PELI2: variants seen among roughly 807,000 people sequenced by gnomAD.
PELI2 encodes pellino E3 ubiquitin protein ligase family member 2, also known as E3 ubiquitin-protein ligase pellino homolog 2.
Under a neutral mutation model 42.3 loss-of-function variants are expected in PELI2, and 23 were observed. That is an observed-to-expected ratio of 0.54 (90% CI 0.39 to 0.77). The LOEUF (loss-of-function observed/expected upper bound fraction) is 0.77. Ranked by LOEUF, PELI2 falls within the 30% of genes least tolerant of loss-of-function variation. PELI2 has a pLI of 0.00. For synonymous variants in PELI2, 245 were observed against 212.2 expected (o/e 1.15, Z -1.34); for missense variants, 463 against 553.2 (o/e 0.84, Z 1.64).
At chr14:56,251,615 CCT>C (rs1020587247) in intron 2 of PELI2, among the ~76,000 whole-genome samples, 1 of 152,130 alleles carries the variant, frequency 6.6e-6, no homozygotes, top group Non-Finnish European at 1.5e-5. Context: ...ATTGTGAGCC[CCT>C]GTTTGATTCC....
chr14:56,132,520 A>T (rs867390871), intron 1 of PELI2, among the ~76,000 whole-genome samples: 23 of 151,958 alleles, frequency 1.5e-4, no homozygotes, highest in African/African-American at 4.4e-4. Context: ...TGCTGGAGTC[A>T]CCCCCGCCCT....
At chr14:56,155,826 GC>G (rs1188826568) in intron 1 of PELI2, among the ~76,000 whole-genome samples, 2 of 151,770 alleles carry the variant, frequency 1.3e-5, no homozygotes, top group Admixed American at 1.3e-4. Flanking sequence ...CTCGTGATCC[GC>G]CCCCCCTCAG....
Position 56,279,668 on chromosome 14 carries a change from A to T in PELI2, c.208-8A>T. 1 of 1,495,294 alleles carries T rather than the reference A, an allele frequency of 6.7e-7. No homozygotes were observed. The highest frequency in any genetic ancestry group is 9.2e-7 in the Non-Finnish European group (1 of 1,085,234). The allele number at this position is 1,495,294 out of a possible 1,614,324, so 92.6% of individuals were successfully genotyped here. A position where few individuals can be genotyped will look rare whatever the true frequency, so the allele number is the denominator to read the frequency against. ...TTGTAATGGATTTTTTTAAAATTTTATTATTAGGCTATCAGCTGCAAAGGT... is the reference window on the plus strand; with the variant it reads ...TTGTAATGGATTTTTTTAAAATTTTTTTATTAGGCTATCAGCTGCAAAGGT... On this transcript the variant is annotated splice_region_variant and splice_polypyrimidine_tract_variant and intron_variant, in intron 2 of 5. Coordinates refer to ENST00000267460, the MANE Select transcript of PELI2 (RefSeq NM_021255.3).
At chr14:56,239,929 AAAT>A (rs1157150189) in intron 2 of PELI2, among the ~76,000 whole-genome samples, 1 of 152,218 alleles carries the variant, frequency 6.6e-6, no homozygotes, top group African/African-American at 2.4e-5. Flanking sequence ...ACAATAAAAG[AAAT>A]AATCTATCAG....
intron 2 of PELI2, among the ~76,000 whole-genome samples, chr14:56,194,832 C>T (rs1007517397): frequency 5.3e-5 from 8 of 152,064 alleles, no homozygotes; most frequent in Non-Finnish European, 4.4e-5. Context: ...TCCTCTGCCT[C>T]AAAATTCAGT....
At chr14:56,216,867 T>C (rs1886925118) in intron 2 of PELI2, among the ~76,000 whole-genome samples, 1 of 152,240 alleles carries the variant, frequency 6.6e-6, no homozygotes, top group Non-Finnish European at 1.5e-5. Flanking sequence ...CTCTTGAGGC[T>C]GATTAGCATG....
chr14:56,193,261 A>T (rs1387774436), intron 2 of PELI2, among the ~76,000 whole-genome samples: 1 of 152,198 alleles, frequency 6.6e-6, no homozygotes, highest in African/African-American at 2.4e-5. Flanking sequence ...GGGTAGTGAG[A>T]TGCCCCCAGA....
intron 2 of PELI2, among the ~76,000 whole-genome samples, chr14:56,241,173 C>T (rs11620940): frequency 0.4 from 61,256 of 151,896 alleles, 13,070 homozygotes; most frequent in South Asian, 0.53. Context: ...AAGGATCCTG[C>T]TCCCTCCAGT....
intron 1 of PELI2, among the ~76,000 whole-genome samples, chr14:56,162,291 T>A (rs1437497720): frequency 6.6e-6 from 1 of 152,120 alleles, no homozygotes; most frequent in African/African-American, 2.4e-5. Flanking sequence ...CTGGTGACCA[T>A]CTTTCTACTC....
intron 2 of PELI2, among the ~76,000 whole-genome samples, chr14:56,183,959 T>C (rs1885679225): frequency 1.3e-5 from 2 of 152,182 alleles, no homozygotes; most frequent in South Asian, 2.1e-4. Flanking sequence ...GTCTCACTTA[T>C]ATTTGGTTAT....
chr14:56,153,025 A>G (rs1265419548), intron 1 of PELI2, among the ~76,000 whole-genome samples: 1 of 152,188 alleles, frequency 6.6e-6, no homozygotes, highest in Non-Finnish European at 1.5e-5. Context: ...GCACTATTCC[A>G]GAAATGATTC....
At chr14:56,139,894 A>G (rs991026806) in intron 1 of PELI2, among the ~76,000 whole-genome samples, 1 of 150,588 alleles carries the variant, frequency 6.6e-6, no homozygotes, top group African/African-American at 2.5e-5. Flanking sequence ...TACTAAAAAA[A>G]AAAGGTGAGA....
At position 56,172,750 on chromosome 14, in the gene PELI2, G is replaced by T. The variant is rs149037453; in HGVS notation, c.78-5585G>T. On this transcript the variant is annotated intron_variant, in intron 1 of 5. Coordinates refer to ENST00000267460, the MANE Select transcript of PELI2 (RefSeq NM_021255.3). ...AGTGGAGGCTCATAGTGAAGCTTAG[G>T]GTTGGAGGCATTTGCTTGTTTTTGC... Among the ~76,000 whole-genome samples the T allele has an allele frequency of 5.2e-4, 79 of 152,318 alleles. 1 individual carries two copies. The East Asian group carries it at 0.015, about 29-fold the overall frequency.
In PELI2 at chr14:56,298,696, G is replaced by A. The variant is rs557803462; in HGVS notation, c.*1530G>A. 2.0e-5 allele frequency: 3 copies of A among 152,618 alleles called. No homozygotes were observed. Among genetic ancestry groups the A allele is most frequent in the East Asian group, 1.9e-4 (1 of 5,182 alleles). 9.5% of individuals were successfully genotyped at this position (152,618 alleles called of 1,614,324 possible). ...CAGTCGTTCTAACCTATTTGAATAC[G>A]CTTTTCCTTAAAGTGATACGATAAT... On this transcript the variant is annotated 3_prime_UTR_variant, in exon 6 of 6. Coordinates refer to ENST00000267460, the MANE Select transcript of PELI2 (RefSeq NM_021255.3).
chr14:56,153,697 A>G (rs1714269391), intron 1 of PELI2, among the ~76,000 whole-genome samples: 1 of 152,234 alleles, frequency 6.6e-6, no homozygotes, highest in African/African-American at 2.4e-5. Flanking sequence ...ATAAAGTATA[A>G]GAATGATAGG....
chr14:56,263,472 T>G (rs1196682732), intron 2 of PELI2, among the ~76,000 whole-genome samples: 1 of 151,992 alleles, frequency 6.6e-6, no homozygotes, highest in Non-Finnish European at 1.5e-5. Flanking sequence ...CTAAAACAAA[T>G]GAGAAAATGA....
At chr14:56,225,586 C>T (rs1413802433) in intron 2 of PELI2, among the ~76,000 whole-genome samples, 1 of 152,156 alleles carries the variant, frequency 6.6e-6, no homozygotes, top group Non-Finnish European at 1.5e-5. Flanking sequence ...GGCCATTCTA[C>T]TGGGGACACG....
At chr14:56,137,812 C>T (rs1335323213) in intron 1 of PELI2, among the ~76,000 whole-genome samples, 1 of 152,156 alleles carries the variant, frequency 6.6e-6, no homozygotes, top group Non-Finnish European at 1.5e-5. Flanking sequence ...GCAGAGAGTT[C>T]AGAAACCTTT....
intron 2 of PELI2, among the ~76,000 whole-genome samples, chr14:56,229,794 ACTT>A (rs1887493244): frequency 6.6e-6 from 1 of 152,202 alleles, no homozygotes. Flanking sequence ...GTAATAATAA[ACTT>A]CTCTGAGCTA....
Sources: gnomAD v4.1 joint callset for allele counts (sites outside exome capture counted in the v4.1 genomes callset) on GRCh38, gnomAD v4.1.1 for gene constraint, MANE v1.5 for transcripts, NCBI Gene and HGNC (gene_info 2026-07-23, HGNC 2026-07-21) for gene names.